Variants in PKN2 observed in about 807,000 individuals in gnomAD.
PKN2 encodes the protein protein kinase N2.
Under a neutral mutation model 119.1 loss-of-function variants are expected in PKN2, and 38 were observed. That is an observed-to-expected ratio of 0.32 (90% CI 0.25 to 0.42). The LOEUF is 0.42. Ranked by LOEUF, PKN2 falls within the 10% of genes least tolerant of loss-of-function variation. The pLI is 1.00. For missense variants in PKN2, 850 were observed against 1,165.1 expected, an observed-to-expected ratio of 0.73 and a Z score of 3.94; for synonymous variants, 390 against 384.9, an observed-to-expected ratio of 1.01 and a Z score of -0.15.
chr1:88,764,401 C>T (rs530992845), intron 3 of PKN2, among the ~76,000 whole-genome samples: 21 of 152,246 alleles, frequency 1.4e-4, no homozygotes, highest in South Asian at 4.1e-4. Flanking sequence ...ATTGCATTAC[C>T]ACCACCTTAA....
At chr1:88,745,582 A>G (rs566268379) in intron 2 of PKN2, among the ~76,000 whole-genome samples, 1 of 152,260 alleles carries the variant, frequency 6.6e-6, no homozygotes, top group South Asian at 2.1e-4. Flanking sequence ...GATGAAAGAA[A>G]TTGAAGATGG....
chr1:88,728,023 T>TG (rs1181054269), intron 1 of PKN2, among the ~76,000 whole-genome samples: 3 of 151,170 alleles, frequency 2.0e-5, no homozygotes, highest in Non-Finnish European at 3.0e-5. Flanking sequence ...GGGCTTTTTT[T>TG]TTTTTTTTTT....
At chr1:88,761,500 G>A (rs1669440654) in intron 3 of PKN2, among the ~76,000 whole-genome samples, 1 of 150,576 alleles carries the variant, frequency 6.6e-6, no homozygotes, top group South Asian at 2.1e-4. Context: ...TTGAGACTAG[G>A]CCTGGTGGCT....
chr1:88,745,895 A>T (rs375167914), intron 2 of PKN2, among the ~76,000 whole-genome samples: 2 of 152,172 alleles, frequency 1.3e-5, no homozygotes, highest in East Asian at 1.9e-4. Flanking sequence ...TAACCAATGG[A>T]ATAGAAAAGA....
At chr1:88,788,450 T>C (rs563083605) in intron 8 of PKN2, among the ~76,000 whole-genome samples, 26 of 152,284 alleles carry the variant, frequency 1.7e-4, no homozygotes, top group Admixed American at 1.3e-3. Context: ...ATTTTTTTTT[T>C]TTCTTCTTTC....
intron 6 of PKN2, among the ~76,000 whole-genome samples, chr1:88,781,995 C>G (rs1344002813): frequency 2.6e-5 from 4 of 152,078 alleles, no homozygotes; most frequent in Non-Finnish European, 5.9e-5. Context: ...AGTTTACATA[C>G]CATAGAATTC....
intron 17 of PKN2, among the ~76,000 whole-genome samples, chr1:88,823,748 C>T (rs904944334): frequency 8.9e-5 from 12 of 134,316 alleles, no homozygotes; most frequent in Admixed American, 2.4e-4. Flanking sequence ...TGGTGGCTTA[C>T]GCCTGTAATT....
intron 8 of PKN2, among the ~76,000 whole-genome samples, chr1:88,790,493 AATT>A (rs1408920064): frequency 1.3e-5 from 2 of 152,126 alleles, no homozygotes; most frequent in Non-Finnish European, 2.9e-5. Flanking sequence ...TGAGTTGTGT[AATT>A]ATTATTTAGC....
At chr1:88,805,817 TG>T in intron 11 of PKN2, 73 bp from the exon 12 acceptor site, 1 of 1,608,406 alleles carries the variant, frequency 6.2e-7, no homozygotes, top group Non-Finnish European at 8.5e-7. Context: ...GTAAATTGTT[TG>T]CTTTAATTTT....
intron 1 of PKN2, among the ~76,000 whole-genome samples, chr1:88,702,117 C>T (rs1184672720): frequency 6.6e-6 from 1 of 152,150 alleles, no homozygotes; most frequent in Non-Finnish European, 1.5e-5. Flanking sequence ...TGCCACCAAG[C>T]CCAGCTAATT....
At position 88,786,224 on chromosome 1, in the gene PKN2, T is replaced by A. The variant is rs771068480; in HGVS notation, c.1281+11T>A. 2.3e-6 allele frequency: 3 copies of A among 1,296,892 alleles called. No individual in the cohort carries two copies. In the East Asian group the frequency reaches 7.0e-5, roughly 30 times the overall value. The allele number at this position is 1,296,892 out of a possible 1,614,324, so 80.3% of individuals were successfully genotyped here. The stretch of plus-strand genomic sequence containing the variant: ...CTGGAACTGGACAGGGTAAGAGGAC[T>A]AACATTTTACTTGAATTTTAATTAT... On this transcript the variant is annotated intron_variant, in intron 8 of 21. Coordinates refer to ENST00000370521, the MANE Select transcript of PKN2 (RefSeq NM_006256.4).
chr1:88,795,585 A>G (rs1195946507), intron 8 of PKN2, among the ~76,000 whole-genome samples: 1 of 152,202 alleles, frequency 6.6e-6, no homozygotes, highest in Non-Finnish European at 1.5e-5. Flanking sequence ...TCCTCACAAT[A>G]ATCTTATGAT....
chr1:88,741,525 T>A (rs1668579509), intron 2 of PKN2, among the ~76,000 whole-genome samples: 1 of 152,134 alleles, frequency 6.6e-6, no homozygotes, highest in Non-Finnish European at 1.5e-5. Flanking sequence ...TCTCTTACTC[T>A]CTATCAGTAG....
chr1:88,710,800 A>G (rs527900859), intron 1 of PKN2, among the ~76,000 whole-genome samples: 2 of 152,338 alleles, frequency 1.3e-5, no homozygotes, highest in South Asian at 2.1e-4. Context: ...ATTATTTTGT[A>G]TATACCCGAA....
chr1:88,784,940 T>A, intron 7 of PKN2, 116 bp downstream of exon 7: 1 of 498,724 alleles, frequency 2.0e-6, no homozygotes, highest in Non-Finnish European at 3.3e-6. Context: ...ATAATTTAAT[T>A]AAAAAATATT....
At chr1:88,688,669 C>T (rs770302706) in intron 1 of PKN2, among the ~76,000 whole-genome samples, 1 of 152,150 alleles carries the variant, frequency 6.6e-6, no homozygotes, top group Non-Finnish European at 1.5e-5. Context: ...TTAAGAATTA[C>T]TGTTTCTAAT....
chr1:88,690,581 A>G (rs1208267146), intron 1 of PKN2, among the ~76,000 whole-genome samples: 2 of 152,210 alleles, frequency 1.3e-5, no homozygotes, highest in Non-Finnish European at 2.9e-5. Flanking sequence ...AAAATATACT[A>G]ATGAAAAAGT....
At position 88,771,803 on chromosome 1, in the gene PKN2, A is replaced by G. The variant is rs1438364156; in HGVS notation, c.909A>G (p.Pro303=). The change falls in exon 6 of 22, where the codon CCA becomes CCG. Residue 303 remains proline (P), a synonymous_variant. Transcript: ENST00000370521. The part of the protein sequence containing the change: ...IEELSLVAAS[P]TLSPRQSMIS... The stretch of plus-strand genomic sequence containing the variant: ...AACTTTCACTTGTTGCTGCATCACC[A>G]ACACTAAGTCCACGTCAAAGTATGA... 2 of 1,614,022 alleles carry G rather than the reference A, an allele frequency of 1.2e-6. No individual in the cohort carries two copies. Among genetic ancestry groups the G allele is most frequent in the Non-Finnish European group, 1.7e-6 (2 of 1,179,936 alleles).
chr1:88,717,095 TTTTC>T (rs1393557848), intron 1 of PKN2, among the ~76,000 whole-genome samples: 1 of 152,188 alleles, frequency 6.6e-6, no homozygotes, highest in Admixed American at 6.5e-5. Flanking sequence ...TTGAAAATTC[TTTTC>T]TTTAAGAATG....
Sources: allele counts gnomAD v4.1 joint callset (sites outside exome capture counted in the v4.1 genomes callset), GRCh38; gene constraint gnomAD v4.1.1; transcripts MANE v1.5; gene names NCBI Gene and HGNC (gene_info 2026-07-23, HGNC 2026-07-21).